The following KCNH8 variants were observed in gnomAD, a reference collection of about 807,000 sequenced individuals.
The protein encoded by KCNH8 is potassium voltage-gated channel subfamily H member 8.
KCNH8 carries 70 observed loss-of-function variants against 103.6 expected under a neutral mutation model. That is an observed-to-expected ratio of 0.68 (90% CI 0.56 to 0.82). KCNH8 has a LOEUF of 0.82. Among genes scored for constraint, KCNH8 ranks in the 40% least tolerant of loss-of-function variants. The probability of loss-of-function intolerance (pLI) is 0.00; values close to 1 mark genes in which losing one functional copy is unlikely to be tolerated. For synonymous variants in KCNH8, 498 were observed against 489.4 expected, an observed-to-expected ratio of 1.02 and a Z score of -0.23; for missense variants, 1,217 against 1,329.9, an observed-to-expected ratio of 0.92 and a Z score of 1.32.
At chr3:19,239,263 C>A (rs2064104364) in intron 1 of KCNH8, among the ~76,000 whole-genome samples, 1 of 151,902 alleles carries the variant, frequency 6.6e-6, no homozygotes. Context: ...TTAGTTATGC[C>A]ATATCCAGGC....
At chr3:19,522,302 G>A (rs1189587725) in intron 15 of KCNH8, among the ~76,000 whole-genome samples, 5 of 151,640 alleles carry the variant, frequency 3.3e-5, no homozygotes, top group African/African-American at 4.8e-5. Flanking sequence ...TTCTAATTCC[G>A]AAGTCCTAAA....
At chr3:19,474,521 C>T (rs943728103) in intron 11 of KCNH8, among the ~76,000 whole-genome samples, 2 of 152,048 alleles carry the variant, frequency 1.3e-5, no homozygotes, top group Non-Finnish European at 2.9e-5. Context: ...TGAAGTACCT[C>T]GAAATTATGA....
intron 2 of KCNH8, among the ~76,000 whole-genome samples, chr3:19,256,640 C>T (rs990263002): frequency 5.9e-5 from 9 of 152,022 alleles, no homozygotes; most frequent in Non-Finnish European, 1.2e-4. Context: ...TAAGCCTCTT[C>T]ACAATATCCG....
intron 2 of KCNH8, among the ~76,000 whole-genome samples, chr3:19,274,360 C>G (rs1215877333): frequency 6.6e-6 from 1 of 152,094 alleles, no homozygotes; most frequent in Non-Finnish European, 1.5e-5. Flanking sequence ...ATCACTAGGT[C>G]CTTGCTGTGT....
At chr3:19,263,514 G>A (rs893235903) in intron 2 of KCNH8, among the ~76,000 whole-genome samples, 4 of 152,088 alleles carry the variant, frequency 2.6e-5, no homozygotes, top group Non-Finnish European at 5.9e-5. Flanking sequence ...TCACTCATGT[G>A]TGGCATCTTG....
At chr3:19,399,983 G>A (rs1400442024) in intron 7 of KCNH8, among the ~76,000 whole-genome samples, 2 of 151,778 alleles carry the variant, frequency 1.3e-5, no homozygotes, top group African/African-American at 4.8e-5. Flanking sequence ...CACAAGGATG[G>A]CCTGAACATG....
At chr3:19,388,205 C>G (rs552443884) in intron 5 of KCNH8, among the ~76,000 whole-genome samples, 1 of 152,152 alleles carries the variant, frequency 6.6e-6, no homozygotes, top group South Asian at 2.1e-4. Flanking sequence ...GCCTATATTG[C>G]GGAAACCAAA....
intron 15 of KCNH8, among the ~76,000 whole-genome samples, chr3:19,521,781 T>C (rs1401984380): frequency 1.3e-5 from 2 of 152,004 alleles, no homozygotes; most frequent in Admixed American, 6.6e-5. Context: ...TGCTACTGTA[T>C]TATTTTTAAA....
At chr3:19,493,190 C>T (rs1054801196) in intron 11 of KCNH8, among the ~76,000 whole-genome samples, 7 of 152,056 alleles carry the variant, frequency 4.6e-5, no homozygotes, top group Non-Finnish European at 7.4e-5. Context: ...GGCCTCTTGT[C>T]TTCCTATTTG....
intron 1 of KCNH8, among the ~76,000 whole-genome samples, chr3:19,173,973 G>A (rs191754031): frequency 5.3e-5 from 8 of 149,846 alleles, no homozygotes; most frequent in African/African-American, 2.0e-4. Flanking sequence ...TCTAGTATCT[G>A]TGTGTTATAA....
rs2063789755 is a variant in KCNH8, at chr3:19,213,457, C to G, written c.77-40197C>G. ...TAACTGCTTACTGGGTATTTCCCCC[C>G]TAGGATGTCTAGTAGGCATTTCTGA... On this transcript the variant is annotated intron_variant, in intron 1 of 15. Transcript: ENST00000328405. Among the ~76,000 whole-genome samples, 3 of 152,016 alleles carry G rather than the reference C, an allele frequency of 2.0e-5. No homozygotes were observed. In the South Asian group the frequency reaches 6.2e-4, roughly 31 times the overall value.
chr3:19,534,199 C>T lies in KCNH8; in HGVS notation c.*100C>T. 2.5e-6 allele frequency: 2 copies of T among 810,296 alleles called. No homozygotes were observed. Among genetic ancestry groups the T allele is most frequent in the Non-Finnish European group, 3.9e-6 (2 of 512,678 alleles). 50.2% of individuals were successfully genotyped at this position (810,296 alleles called of 1,614,324 possible). A position where few individuals can be genotyped will look rare whatever the true frequency, so the allele number is the denominator to read the frequency against. ...TGGTGGGCATGAAGACTGAGCAAAGCTGGGAATCCTGCAGAAAAGAGTGTG... is the reference window on the plus strand; with the variant it reads ...TGGTGGGCATGAAGACTGAGCAAAGTTGGGAATCCTGCAGAAAAGAGTGTG... On this transcript the variant is annotated 3_prime_UTR_variant, in exon 16 of 16. Transcript: ENST00000328405.
At chr3:19,454,864 AAACTC>A (rs1322002807) in intron 10 of KCNH8, among the ~76,000 whole-genome samples, 5 of 152,180 alleles carry the variant, frequency 3.3e-5, no homozygotes, top group South Asian at 2.1e-4. Context: ...TACTGGGACT[AAACTC>A]AACAAAGACA....
intron 3 of KCNH8, among the ~76,000 whole-genome samples, chr3:19,307,297 T>A (rs1410754009): frequency 6.6e-6 from 1 of 151,740 alleles, no homozygotes; most frequent in Admixed American, 6.6e-5. Flanking sequence ...CAAAAATATA[T>A]ATATGAAAAA....
At chr3:19,351,341 C>G (rs1460506697) in intron 5 of KCNH8, among the ~76,000 whole-genome samples, 1 of 152,078 alleles carries the variant, frequency 6.6e-6, no homozygotes, top group Non-Finnish European at 1.5e-5. Flanking sequence ...ACTTTCCCAA[C>G]CTAGCAAGGC....
At chr3:19,383,974 A>T (rs781287925) in intron 5 of KCNH8, among the ~76,000 whole-genome samples, 1 of 152,168 alleles carries the variant, frequency 6.6e-6, no homozygotes, top group Non-Finnish European at 1.5e-5. Flanking sequence ...CCAAAGTTCA[A>T]TATCTAATTT....
intron 1 of KCNH8, among the ~76,000 whole-genome samples, chr3:19,186,116 G>A (rs1575422035): frequency 6.6e-6 from 1 of 151,886 alleles, no homozygotes; most frequent in East Asian, 1.9e-4. Context: ...AATTTTAAAA[G>A]TCAAATGCTT....
intron 11 of KCNH8, among the ~76,000 whole-genome samples, chr3:19,479,324 TAATA>T (rs1368345047): frequency 2.6e-5 from 4 of 152,178 alleles, no homozygotes; most frequent in African/African-American, 9.7e-5. Flanking sequence ...CTCTAAGTCT[TAATA>T]GTTAGTCTTG....
intron 1 of KCNH8, among the ~76,000 whole-genome samples, chr3:19,170,802 A>ATTTT (rs1559407135): frequency 1.6e-4 from 16 of 100,614 alleles, no homozygotes; most frequent in African/African-American, 7.4e-4. Context: ...ATATATATAT[A>ATTTT]TATATATATT....
Sources: allele counts gnomAD v4.1 joint callset (sites outside exome capture counted in the v4.1 genomes callset), GRCh38; gene constraint gnomAD v4.1.1; transcripts MANE v1.5; gene names NCBI Gene and HGNC (gene_info 2026-07-23, HGNC 2026-07-21).